The following DNAJC17 variants were observed in gnomAD, a reference collection of about 807,000 sequenced individuals.
DNAJC17 encodes the protein dnaJ homolog subfamily C member 17.
Under a neutral mutation model 48.1 loss-of-function variants are expected in DNAJC17, and 35 were observed. That is an observed-to-expected ratio of 0.73 (90% CI 0.56 to 0.96). The LOEUF (loss-of-function observed/expected upper bound fraction) is 0.96, where lower values mean the gene tolerates loss of function less well. DNAJC17 is among the 50% of genes least tolerant of loss of function. DNAJC17 has a pLI of 0.00. For synonymous variants in DNAJC17, 117 were observed against 142.7 expected (o/e 0.82, Z 1.28); for missense variants, 355 against 377.1 (o/e 0.94, Z 0.48).
Position 40,775,043 on chromosome 15 carries a change from C to CCGTA in DNAJC17, c.584_587dup (p.Leu197ThrfsTer8). The CCGTA allele has an allele frequency of 6.2e-7, 1 of 1,614,144 alleles. No homozygotes were observed. On this transcript the variant is annotated frameshift_variant, in exon 8 of 11. Transcript: ENST00000220496. LOFTEE classifies it high-confidence loss of function. ...CAACAGGGCCGACCTTCTGCAAAAG[C>CCGTA]CGTAGGAGGACGTCTTTGGAGTAGC...
At position 40,767,427 on chromosome 15, in the gene DNAJC17, AC is replaced by A; in HGVS notation, c.*512del. ...GCCCTGACCTCCAAGCTCCTGCCTC[AC>A]CGTCTGCCTTGCTCCTCTCTTCCCA... is the stretch of plus-strand genomic sequence containing the variant. On this transcript the variant is annotated 3_prime_UTR_variant, in exon 11 of 11. Coordinates refer to ENST00000220496, the MANE Select transcript of DNAJC17 (RefSeq NM_018163.3). 1 of 1,451,396 alleles carries A rather than the reference AC, an allele frequency of 6.9e-7. No homozygotes were observed. Among genetic ancestry groups the A allele is most frequent in the South Asian group, 1.3e-5 (1 of 74,600 alleles). 89.9% of individuals were successfully genotyped at this position (1,451,396 alleles called of 1,614,324 possible). A position where few individuals can be genotyped will look rare whatever the true frequency, so the allele number is the denominator to read the frequency against.
intron 1 of DNAJC17, chr15:40,792,573 G>T: frequency 1.0e-6 from 1 of 975,608 alleles, no homozygotes; most frequent in South Asian, 4.7e-5. Flanking sequence ...CTGGCACTTT[G>T]GGAGGCCGAG....
chr15:40,784,233 A>T (rs1596086007), intron 1 of DNAJC17, among the ~76,000 whole-genome samples: 1 of 151,238 alleles, frequency 6.6e-6, no homozygotes, highest in South Asian at 2.1e-4. Context: ...AAAAAGAAGG[A>T]GCAGTAAGAA....
At chr15:40,807,262 C>T (rs1157393397) in intron 1 of DNAJC17, 107 bp downstream of exon 1, 5 of 1,599,644 alleles carry the variant, frequency 3.1e-6, no homozygotes, top group Non-Finnish European at 4.3e-6. Context: ...GCTCCCCGCC[C>T]AGGACCCGAA....
At position 40,770,404 on chromosome 15, in the gene DNAJC17, G is replaced by A. The variant is rs1889095141; in HGVS notation, c.793-2342C>T. 8 of 1,302,326 alleles carry A rather than the reference G, an allele frequency of 6.1e-6. No homozygotes were observed. The South Asian group carries it at 1.2e-4, about 20-fold the overall frequency. The allele number at this position is 1,302,326 out of a possible 1,614,324, so 80.7% of individuals were successfully genotyped here. On this transcript the variant is annotated intron_variant, in intron 10 of 10. Coordinates refer to ENST00000220496, the MANE Select transcript of DNAJC17 (RefSeq NM_018163.3). This position sits in a 1 kb window ranked among gnomAD's most constrained non-coding sequence, Gnocchi z 5.0. ...CCCTGAGGCCTCTGCTCCTAGGGGAGCCTCCCCAGCTGCTGGCACTCACTG... is the reference window on the plus strand; with the variant it reads ...CCCTGAGGCCTCTGCTCCTAGGGGAACCTCCCCAGCTGCTGGCACTCACTG...
At position 40,767,994 on chromosome 15, in the gene DNAJC17, C is replaced by T. The variant is rs1393527183; in HGVS notation, c.861G>A (p.Arg287=). ...GCTGCATCCGTGCGATCAGCTGTTG[C>T]CGCTCGGCCGCCTGGCGCATGCGCA... The part of the protein sequence containing the change: ...VMMRMRQAAE[R]QQLIARMQQE... Residue 287 remains arginine (R), a synonymous_variant, in exon 11 of 11, where the codon CGG becomes CGA. Coordinates refer to ENST00000220496, the MANE Select transcript of DNAJC17 (RefSeq NM_018163.3). The T allele has an allele frequency of 6.2e-7, 1 of 1,606,964 alleles. No homozygotes were observed. The highest frequency in any genetic ancestry group is 8.5e-7 in the Non-Finnish European group (1 of 1,177,996).
At position 40,807,040 on chromosome 15, in the gene DNAJC17, C is replaced by T. The variant is rs1890252089; in HGVS notation, c.78+329G>A. On this transcript the variant is annotated intron_variant, in intron 1 of 10. Coordinates refer to ENST00000220496, the MANE Select transcript of DNAJC17 (RefSeq NM_018163.3). ...GAGGCACCTCTTGTCACAGTCAAGG[C>T]AGAAGCGGAAACGGAGGCCGAGACT... The T allele has an allele frequency of 3.6e-5, 21 of 575,560 alleles. No homozygotes were observed. The South Asian group carries it at 4.6e-4, about 13-fold the overall frequency. 35.7% of individuals were successfully genotyped at this position (575,560 alleles called of 1,614,324 possible). A position where few individuals can be genotyped will look rare whatever the true frequency, so the allele number is the denominator to read the frequency against.
intron 3 of DNAJC17, 26 bp downstream of exon 3, chr15:40,779,519 A>T (rs1349098864): frequency 6.2e-7 from 1 of 1,613,984 alleles, no homozygotes; most frequent in Non-Finnish European, 8.5e-7. Flanking sequence ...ATGGGGGACG[A>T]TTCCGATGAA....
intron 1 of DNAJC17, among the ~76,000 whole-genome samples, chr15:40,798,445 T>C (rs766615285): frequency 2.0e-5 from 3 of 152,222 alleles, no homozygotes; most frequent in Non-Finnish European, 2.9e-5. Flanking sequence ...CACAACAATG[T>C]AAATGTACTT....
At chr15:40,775,266 T>C in intron 7 of DNAJC17, 158 bp from the exon 8 acceptor site, 1 of 860,054 alleles carries the variant, frequency 1.2e-6, no homozygotes, top group Non-Finnish European at 1.8e-6. Context: ...CCTTGGGAAC[T>C]TGAAGGCAGG....
rs1420281285 is a variant in DNAJC17, at chr15:40,766,467, G to C, written c.*1473C>G. On this transcript the variant is annotated 3_prime_UTR_variant, in exon 11 of 11. Transcript: ENST00000220496. Reference sequence around the variant, plus strand: ...GGCAGGGAGAACCCAAGCTACACAGGCTCTCTGAAAAGAGTTGTCAGAGTG... The same window carrying C: ...GGCAGGGAGAACCCAAGCTACACAGCCTCTCTGAAAAGAGTTGTCAGAGTG... 6.6e-6 allele frequency: 1 copy of C among 152,240 alleles called. No homozygotes were observed. The highest frequency in any genetic ancestry group is 1.5e-5 in the Non-Finnish European group (1 of 68,092). The allele number at this position is 152,240 out of a possible 1,614,324, so 9.4% of individuals were successfully genotyped here.
At position 40,766,687 on chromosome 15, in the gene DNAJC17, A is replaced by G. The variant is rs775601291; in HGVS notation, c.*1253T>C. On this transcript the variant is annotated 3_prime_UTR_variant, in exon 11 of 11. Transcript: ENST00000220496. The stretch of plus-strand genomic sequence containing the variant: ...GACAGAAGGACTACCAGCACTCTCC[A>G]TGCTAGGGAGTGGCGCACAGAGCCA... 1 of 152,418 alleles carries G rather than the reference A, an allele frequency of 6.6e-6. No homozygotes were observed. The highest frequency in any genetic ancestry group is 1.5e-5 in the Non-Finnish European group (1 of 68,184). The allele number at this position is 152,418 out of a possible 1,614,324, so 9.4% of individuals were successfully genotyped here.
rs1237207670 is a variant in DNAJC17 at position 40,778,399 on chromosome 15, CCCG to C, written c.295+821_295+823del. 2.0e-5 allele frequency among the ~76,000 whole-genome samples: 3 copies of C among 152,070 alleles called. No homozygotes were observed. The East Asian group carries it at 5.8e-4, about 29-fold the overall frequency. The stretch of plus-strand genomic sequence containing the variant: ...TCTCGAGTAGTTGGGATTACAGGCA[CCCG>C]CCACCACACCCAGCTAATTTTTGTA... On this transcript the variant is annotated intron_variant, in intron 4 of 10. Coordinates refer to ENST00000220496, the MANE Select transcript of DNAJC17 (RefSeq NM_018163.3).
At chr15:40,801,801 A>C (rs547803981) in intron 1 of DNAJC17, among the ~76,000 whole-genome samples, 24 of 152,314 alleles carry the variant, frequency 1.6e-4, no homozygotes, top group Middle Eastern at 3.4e-3. Context: ...AGAAGTGCTA[A>C]ATAGGGTTTT....
At chr15:40,797,026 C>T (rs190627291) in intron 1 of DNAJC17, among the ~76,000 whole-genome samples, 152 of 152,246 alleles carry the variant, frequency 1.0e-3, no homozygotes, top group Non-Finnish European at 1.5e-3. Context: ...CTCAGTCTCC[C>T]AAAGTGCTGG....
At chr15:40,784,522 C>T (rs977031631) in intron 1 of DNAJC17, among the ~76,000 whole-genome samples, 1 of 152,124 alleles carries the variant, frequency 6.6e-6, no homozygotes, top group Non-Finnish European at 1.5e-5. Context: ...TTATCCTCCT[C>T]ATTTTACAAA....
At chr15:40,794,988 G>A (rs912424898) in intron 1 of DNAJC17, among the ~76,000 whole-genome samples, 2 of 151,966 alleles carry the variant, frequency 1.3e-5, no homozygotes, top group Admixed American at 1.3e-4. Flanking sequence ...CAAAGTGCTC[G>A]GATTACAGGC....
intron 1 of DNAJC17, among the ~76,000 whole-genome samples, chr15:40,796,400 C>G (rs1046026029): frequency 2.0e-5 from 3 of 152,146 alleles, no homozygotes; most frequent in Non-Finnish European, 4.4e-5. Flanking sequence ...AAAAGCCTCT[C>G]TGAGCAGATG....
rs1889106925 is a variant in DNAJC17, at chr15:40,770,671, C to T, written c.793-2609G>A. The T allele has an allele frequency of 6.5e-7, 1 of 1,548,884 alleles. No individual in the cohort carries two copies. The highest frequency in any genetic ancestry group is 1.2e-5 in the South Asian group (1 of 84,048). Reference sequence around the variant, plus strand: ...GTCATCCGGGAGCTACAAGGGAGGCCAGATGGCCGGCGCCTGCCACTGTGG... The same window carrying T: ...GTCATCCGGGAGCTACAAGGGAGGCTAGATGGCCGGCGCCTGCCACTGTGG... On this transcript the variant is annotated intron_variant, in intron 10 of 10. Transcript: ENST00000220496. This position sits in a 1 kb window ranked among gnomAD's most constrained non-coding sequence, Gnocchi z 5.0.
Sources: allele counts gnomAD v4.1 joint callset (sites outside exome capture counted in the v4.1 genomes callset), GRCh38; gene constraint gnomAD v4.1.1; non-coding constraint Gnocchi (gnomAD v3.1); transcripts MANE v1.5; gene names NCBI Gene and HGNC (gene_info 2026-07-23, HGNC 2026-07-21).